The following AK9 variants were observed in gnomAD, a reference collection of about 807,000 sequenced individuals.
AK9 encodes the protein adenylate kinase 9.
In AK9, 191 loss-of-function variants were observed where a neutral mutation model predicts 239.6. The ratio of observed to expected loss-of-function variants is 0.80; its 90% confidence interval spans 0.71 to 0.90. The LOEUF is 0.90. Among genes scored for constraint, AK9 ranks in the 40% least tolerant of loss-of-function variants. The pLI is 0.00. For missense variants in AK9, 1,995 were observed against 2,214.7 expected (o/e 0.90, Z 1.99); for synonymous variants, 689 against 721.0 (o/e 0.96, Z 0.71).
rs961145217 is a variant in AK9, at chr6:109,579,582, C to T, written c.2159G>A (p.Arg720Lys). 6.4e-7 allele frequency: 1 copy of T among 1,551,388 alleles called. No individual in the cohort carries two copies. The highest frequency in any genetic ancestry group is 2.0e-5 in the Admixed American group (1 of 50,942). The change falls in exon 20 of 41, where the codon AGG becomes AAG. Residue 720 changes from arginine to lysine, a missense_variant. Physicochemically the swap from Arg to Lys is conservative, Grantham distance 26. Around this residue, in one of 5 missense-constraint regions of AK9, gnomAD observed 1,290 missense variants for 1,392.7 expected, o/e 0.93. Coordinates refer to ENST00000424296, the MANE Select transcript of AK9 (RefSeq NM_001145128.3). Reference sequence around the variant, plus strand: ...CTTCACTTTCATAAGTTCCAGTAGCCTTCGATTTTCTTCTTCGAGTCTCAA... The same window carrying T: ...CTTCACTTTCATAAGTTCCAGTAGCTTTCGATTTTCTTCTTCGAGTCTCAA... ...EELRLEEENR[R>K]LLELMKVKAK...
intron 26 of AK9, among the ~76,000 whole-genome samples, chr6:109,544,786 T>A (rs1783320015): frequency 6.7e-6 from 1 of 150,300 alleles, no homozygotes; most frequent in Non-Finnish European, 1.5e-5. Flanking sequence ...TAAGACATCA[T>A]TAGAAATTAA....
In AK9 at chr6:109,614,288, G is replaced by A; in HGVS notation, c.1504C>T (p.Gln502Ter). The A allele has an allele frequency of 6.4e-7, 1 of 1,551,302 alleles. No individual in the cohort carries two copies. Among genetic ancestry groups the A allele is most frequent in the Non-Finnish European group, 8.7e-7 (1 of 1,146,688 alleles). ...HSSIDEEGYI[Q>*]GSQRDRGSSL... is the part of the protein sequence containing the mutation. ...CTGCCTCTGTCCCTTTGGGAGCCTTGAATGTACCCTGCAATGAAAGAATAA... is the reference window on the plus strand; with the variant it reads ...CTGCCTCTGTCCCTTTGGGAGCCTTAAATGTACCCTGCAATGAAAGAATAA... Residue 502 changes from glutamine to a stop codon, truncating the protein, a stop_gained, in exon 15 of 41, where the codon CAA becomes TAA. Coordinates refer to ENST00000424296, the MANE Select transcript of AK9 (RefSeq NM_001145128.3). LOFTEE classifies it high-confidence loss of function.
At position 109,653,684 on chromosome 6, in the gene AK9, T is replaced by TTCTC. The variant is rs1554284248; in HGVS notation, c.759+3068_759+3071dup. Among the ~76,000 whole-genome samples the TTCTC allele has an allele frequency of 7.8e-3, 1,171 of 150,200 alleles. 22 individuals are homozygous for TTCTC. Among genetic ancestry groups the TTCTC allele is most frequent in the African/African-American group, 0.025 (1,035 of 40,996 alleles). Reference sequence around the variant, plus strand: ...CTTTCTTGTTTAGATTTTTTTTTTTTTCTCTCTCTTTCTTTTTTGTAGAGA... The same window carrying TTCTC: ...CTTTCTTGTTTAGATTTTTTTTTTTTTCTCTCTCTCTCTTTCTTTTTTGTAGAGA... On this transcript the variant is annotated intron_variant, in intron 8 of 40. Coordinates refer to ENST00000424296, the MANE Select transcript of AK9 (RefSeq NM_001145128.3).
In AK9 at chr6:109,518,845, C is replaced by T. The variant is rs111769064; in HGVS notation, c.3634-2203G>A. 3.1e-3 allele frequency among the ~76,000 whole-genome samples: 470 copies of T among 151,662 alleles called. 3 individuals carry two copies. Among genetic ancestry groups the T allele is most frequent in the African/African-American group, 0.011 (453 of 41,294 alleles). On this transcript the variant is annotated intron_variant, in intron 29 of 40. Transcript: ENST00000424296. ...CAGCTTTTATTTTAGATTCGGGGTA[C>T]GTGTGCAGGCTTGTTACAAGGGTAT...
At chr6:109,533,875 T>C (rs1043726321) in intron 27 of AK9, among the ~76,000 whole-genome samples, 27 of 152,072 alleles carry the variant, frequency 1.8e-4, no homozygotes, top group African/African-American at 6.5e-4. Context: ...GAGAAGACCA[T>C]AGGAAAAGAG....
At position 109,516,030 on chromosome 6, in the gene AK9, C is replaced by T. The variant is rs1234578134; in HGVS notation, c.3892G>A (p.Ala1298Thr). 8 of 1,551,222 alleles carry T rather than the reference C, an allele frequency of 5.2e-6. No individual in the cohort carries two copies. The African/African-American group carries it at 8.2e-5, about 16-fold the overall frequency. Reference sequence around the variant, plus strand: ...TATTGTACAATGTGATTTCTCCGAGCTCCATTAATGGAAATTATTGGTATC... The same window carrying T: ...TATTGTACAATGTGATTTCTCCGAGTTCCATTAATGGAAATTATTGGTATC... ...YLIPIISING[A>T]RRNHIVQYTL... The change falls in exon 31 of 41, where the codon GCT becomes ACT. Residue 1298 changes from alanine (A) to threonine (T), a missense_variant. Ala to Thr is a moderately conservative substitution (Grantham distance 58). Around this residue, in one of 5 missense-constraint regions of AK9, gnomAD observed 1,290 missense variants for 1,392.7 expected, o/e 0.93. Coordinates refer to ENST00000424296, the MANE Select transcript of AK9 (RefSeq NM_001145128.3).
intron 12 of AK9, among the ~76,000 whole-genome samples, chr6:109,621,000 TA>T (rs920780957): frequency 4.6e-5 from 7 of 151,804 alleles, no homozygotes; most frequent in African/African-American, 1.7e-4. Context: ...GGATTTTTCT[TA>T]AAAAACTGTC....
chr6:109,556,788 T>C (rs1032124764), intron 24 of AK9, among the ~76,000 whole-genome samples: 8 of 151,880 alleles, frequency 5.3e-5, no homozygotes, highest in African/African-American at 1.9e-4. Context: ...TTCTTCTGCT[T>C]GGTCAATTCA....
intron 27 of AK9, among the ~76,000 whole-genome samples, chr6:109,537,816 A>G (rs1337556787): frequency 3.9e-5 from 6 of 151,916 alleles, no homozygotes; most frequent in Admixed American, 2.6e-4. Context: ...CTTTGTTCTC[A>G]TTGGTTTCAA....
chr6:109,624,950 G>A lies in AK9; in HGVS notation c.1255-5714C>T, dbSNP rs558701858. Among the ~76,000 whole-genome samples the A allele has an allele frequency of 4.6e-5, 7 of 151,736 alleles. 1 individual carries two copies. Among genetic ancestry groups the A allele is most frequent in the African/African-American group, 1.7e-4 (7 of 41,388 alleles). ...ATTTCTATCTTTTAACTCTTCTATT[G>A]AATTTTTCATTTGTGTTATATTTTC... On this transcript the variant is annotated intron_variant, in intron 12 of 40. Coordinates refer to ENST00000424296, the MANE Select transcript of AK9 (RefSeq NM_001145128.3).
At chr6:109,673,568 G>A (rs1263172890) in intron 3 of AK9, among the ~76,000 whole-genome samples, 1 of 151,534 alleles carries the variant, frequency 6.6e-6, no homozygotes, top group Non-Finnish European at 1.5e-5. Context: ...CTTATATATT[G>A]CAAAGAATGC....
intron 5 of AK9, among the ~76,000 whole-genome samples, chr6:109,667,610 T>A (rs1221043169): frequency 6.6e-6 from 1 of 151,720 alleles, no homozygotes; most frequent in Non-Finnish European, 1.5e-5. Context: ...TGTCCAAGTG[T>A]TCTCATTGTT....
chr6:109,528,079 T>C (rs190482999), intron 29 of AK9: 1 of 169,990 alleles, frequency 5.9e-6, no homozygotes, highest in Non-Finnish European at 1.3e-5. Flanking sequence ...CACCAGGCAC[T>C]GGAGAGCAGT....
intron 13 of AK9, among the ~76,000 whole-genome samples, chr6:109,618,185 T>C (rs1013399326): frequency 1.4e-4 from 22 of 152,174 alleles, no homozygotes; most frequent in Admixed American, 1.2e-3. Flanking sequence ...CTAAAATTGC[T>C]GAAGCTAATC....
rs1475108649 is a variant in AK9, at chr6:109,576,401, G to A, written c.2192-2807C>T. ...AGAGATCTTTCACCTCCTTGGTTAG[G>A]TGTATATACATATATATACTTTTTT... On this transcript the variant is annotated intron_variant, in intron 20 of 40. Transcript: ENST00000424296. Among the ~76,000 whole-genome samples, 11 of 136,392 alleles carry A rather than the reference G, an allele frequency of 8.1e-5. No individual in the cohort carries two copies. In the Admixed American group the frequency reaches 8.6e-4, roughly 11 times the overall value. 89.5% of individuals were successfully genotyped at this position (136,392 alleles called of 152,430 possible). A position where few individuals can be genotyped will look rare whatever the true frequency, so the allele number is the denominator to read the frequency against.
intron 19 of AK9, 122 bp from the exon 20 acceptor site, chr6:109,579,748 G>T: frequency 2.4e-6 from 2 of 844,986 alleles, no homozygotes; most frequent in African/African-American, 1.8e-5. Context: ...ACTTTACAAT[G>T]TATATTTTTA....
intron 28 of AK9, 51 bp from the exon 29 acceptor site, chr6:109,529,124 G>A: frequency 6.6e-7 from 1 of 1,506,114 alleles, no homozygotes; most frequent in Non-Finnish European, 8.8e-7. Flanking sequence ...GATAAAAGTG[G>A]CTTTCTCTGT....
intron 5 of AK9, among the ~76,000 whole-genome samples, chr6:109,665,059 A>G (rs991749775): frequency 5.9e-5 from 9 of 151,622 alleles, no homozygotes; most frequent in African/African-American, 1.9e-4. Flanking sequence ...AAAGAAGAAG[A>G]AGACCAAGAA....
intron 13 of AK9, among the ~76,000 whole-genome samples, chr6:109,617,757 G>C (rs1487634163): frequency 1.3e-5 from 2 of 152,134 alleles, no homozygotes; most frequent in African/African-American, 4.8e-5. Flanking sequence ...TAGAAAAAAA[G>C]AGAGCAGCAA....
Sources: gnomAD v4.1 joint callset for allele counts (sites outside exome capture counted in the v4.1 genomes callset) on GRCh38, gnomAD v4.1.1 for gene constraint, gnomAD v4.1.1 regional missense constraint, MANE v1.5 for transcripts, NCBI Gene and HGNC (gene_info 2026-07-23, HGNC 2026-07-21) for gene names.